Variants in FRAS1 observed in about 807,000 individuals in gnomAD.
The protein encoded by FRAS1 is Fraser extracellular matrix complex subunit 1.
A neutral mutation model predicts 435.2 loss-of-function variants in FRAS1; 290 were observed. The observed-to-expected ratio is 0.67, with a 90% CI of 0.61 to 0.73. The LOEUF (loss-of-function observed/expected upper bound fraction) is 0.73. Ranked by LOEUF, FRAS1 falls within the 30% of genes least tolerant of loss-of-function variation. FRAS1 has a pLI of 0.00. For missense variants in FRAS1, 4,860 were observed against 5,001.5 expected (o/e 0.97, Z 0.85); for synonymous variants, 1,800 against 1,851.0 (o/e 0.97, Z 0.71).
chr4:78,241,381 C>A (rs1724997679), intron 3 of FRAS1, among the ~76,000 whole-genome samples: 1 of 152,204 alleles, frequency 6.6e-6, no homozygotes, highest in South Asian at 2.1e-4. Flanking sequence ...GCCCGTCAAA[C>A]AGCATAGTAC....
At chr4:78,449,290 G>T (rs1718947630) in intron 44 of FRAS1, among the ~76,000 whole-genome samples, 1 of 152,118 alleles carries the variant, frequency 6.6e-6, no homozygotes, top group Admixed American at 6.6e-5. Context: ...TCACAGAGGG[G>T]AATACTGAGC....
rs1720021380 is a variant in FRAS1 at position 78,481,891 on chromosome 4, C to T, written c.8531C>T (p.Ala2844Val). ...VWCATRPSDP[A>V]SATPGVDYVP... Reference sequence around the variant, plus strand: ...TGTGCAACGCGGCCCTCAGACCCAGCTTCTGCCACACCAGGAGTTGACTAC... The same window carrying T: ...TGTGCAACGCGGCCCTCAGACCCAGTTTCTGCCACACCAGGAGTTGACTAC... The change falls in exon 57 of 74, where the codon GCT becomes GTT. Residue 2844 changes from alanine (A) to valine (V), a missense_variant. By Grantham distance (64) the Ala-to-Val change is moderately conservative (BLOSUM62 0). Coordinates refer to ENST00000512123, the MANE Select transcript of FRAS1 (RefSeq NM_025074.7). 1 of 1,613,800 alleles carries T rather than the reference C, an allele frequency of 6.2e-7. No individual in the cohort carries two copies.
rs564641651 is a variant in FRAS1, at chr4:78,415,478, C to A, written c.4425+2393C>A. Reference sequence around the variant, plus strand: ...GGTGTAGGGTCAAGAATTTGCATTTCTAAAGAGTTTCCAGGTAATGCTGTT... The same window carrying A: ...GGTGTAGGGTCAAGAATTTGCATTTATAAAGAGTTTCCAGGTAATGCTGTT... On this transcript the variant is annotated intron_variant, in intron 32 of 73. Transcript: ENST00000512123. 3.3e-4 allele frequency among the ~76,000 whole-genome samples: 51 copies of A among 152,278 alleles called. 2 individuals carry two copies. The highest frequency in any genetic ancestry group is 3.1e-3 in the East Asian group (16 of 5,186).
intron 31 of FRAS1, among the ~76,000 whole-genome samples, chr4:78,411,626 A>G (rs1314982133): frequency 6.6e-6 from 1 of 152,168 alleles, no homozygotes; most frequent in Non-Finnish European, 1.5e-5. Flanking sequence ...GGTCACTTTG[A>G]CACAGCCTTA....
chr4:78,313,288 A>G (rs1009796233), intron 15 of FRAS1, among the ~76,000 whole-genome samples: 1 of 152,184 alleles, frequency 6.6e-6, no homozygotes, highest in African/African-American at 2.4e-5. Context: ...GGCCATTGCC[A>G]TAGCCCATTC....
At chr4:78,525,703 C>T (rs776652668) in intron 69 of FRAS1, among the ~76,000 whole-genome samples, 1 of 152,196 alleles carries the variant, frequency 6.6e-6, no homozygotes, top group Non-Finnish European at 1.5e-5. Context: ...ATGACAGACT[C>T]CCAAGGCCCT....
At chr4:78,446,293 C>T (rs1718827720) in intron 42 of FRAS1, 1 of 1,011,440 alleles carries the variant, frequency 9.9e-7, no homozygotes, top group African/African-American at 1.7e-5. Flanking sequence ...GGCACCAGGG[C>T]AGGGAGACAG....
intron 16 of FRAS1, among the ~76,000 whole-genome samples, chr4:78,316,526 C>T (rs1171491183): frequency 2.0e-5 from 3 of 152,168 alleles, no homozygotes; most frequent in Non-Finnish European, 4.4e-5. Flanking sequence ...CATCCCATCT[C>T]TACCCACCAC....
intron 61 of FRAS1, among the ~76,000 whole-genome samples, chr4:78,506,541 A>G (rs1161684033): frequency 1.3e-5 from 2 of 151,850 alleles, no homozygotes; most frequent in South Asian, 2.1e-4. Flanking sequence ...CTCCATGGGT[A>G]TGGAACCCCC....
intron 18 of FRAS1, among the ~76,000 whole-genome samples, chr4:78,332,167 G>A (rs1472801990): frequency 6.6e-6 from 1 of 152,170 alleles, no homozygotes; most frequent in African/African-American, 2.4e-5. Flanking sequence ...GTAGCCTGGA[G>A]TGTAAGCGTA....
rs779717087 is a variant in FRAS1, at chr4:78,536,956, T to G, written c.11093-39T>G. ...CCTTGACATTTGTTTTTCTTTCATC[T>G]TAAAGTCTGACCTAATTAATACCTT... On this transcript the variant is annotated intron_variant, in intron 71 of 73. Coordinates refer to ENST00000512123, the MANE Select transcript of FRAS1 (RefSeq NM_025074.7). The G allele has an allele frequency of 5.8e-6, 9 of 1,554,448 alleles. No homozygotes were observed. The South Asian group carries it at 1.0e-4, about 17-fold the overall frequency.
At chr4:78,441,125 A>T (rs1158685848) in intron 40 of FRAS1, 37 bp from the exon 41 acceptor site, 34 of 1,607,648 alleles carry the variant, frequency 2.1e-5, no homozygotes, top group Non-Finnish European at 2.9e-5. Flanking sequence ...GGTTATGTGA[A>T]ATCACCAAGG....
At chr4:78,319,034 T>G (rs778701280) in intron 18 of FRAS1, 48 bp downstream of exon 18, 1 of 1,567,004 alleles carries the variant, frequency 6.4e-7, no homozygotes, top group Non-Finnish European at 8.8e-7. Flanking sequence ...GCTTATCTCT[T>G]GAGAGATCCT....
intron 1 of FRAS1, among the ~76,000 whole-genome samples, 159 bp from the exon 2 acceptor site, chr4:78,065,826 T>A (rs1740005129): frequency 6.6e-6 from 1 of 152,224 alleles, no homozygotes; most frequent in Non-Finnish European, 1.5e-5. Flanking sequence ...TGGGGTTATT[T>A]CCCCAGGGGA....
intron 2 of FRAS1, among the ~76,000 whole-genome samples, chr4:78,220,833 G>C (rs1020985453): frequency 6.6e-6 from 1 of 152,034 alleles, no homozygotes; most frequent in African/African-American, 2.4e-5. Flanking sequence ...AAGAATACTA[G>C]TAGCATTTTT....
chr4:78,281,125 C>T (rs1467082735), intron 10 of FRAS1, among the ~76,000 whole-genome samples: 1 of 152,096 alleles, frequency 6.6e-6, no homozygotes, highest in East Asian at 1.9e-4. Flanking sequence ...AGTTTAGGTC[C>T]CTTGAGCATA....
intron 47 of FRAS1, among the ~76,000 whole-genome samples, chr4:78,458,586 A>G (rs1719274472): frequency 6.6e-6 from 1 of 152,150 alleles, no homozygotes; most frequent in South Asian, 2.1e-4. Context: ...TGAAAAACTT[A>G]CTATTGGATA....
intron 4 of FRAS1, among the ~76,000 whole-genome samples, chr4:78,251,061 T>G (rs1291502989): frequency 6.6e-6 from 1 of 152,218 alleles, no homozygotes; most frequent in East Asian, 1.9e-4. Context: ...TTTGGCAGAT[T>G]TAAAAATTTT....
intron 9 of FRAS1, among the ~76,000 whole-genome samples, chr4:78,271,466 A>G (rs952036711): frequency 1.4e-5 from 2 of 146,812 alleles, no homozygotes; most frequent in Non-Finnish European, 3.0e-5. Flanking sequence ...CCTCCCCCCT[A>G]CCCCCAACCC....
Sources: allele counts gnomAD v4.1 joint callset (sites outside exome capture counted in the v4.1 genomes callset), GRCh38; gene constraint gnomAD v4.1.1; transcripts MANE v1.5; gene names NCBI Gene and HGNC (gene_info 2026-07-23, HGNC 2026-07-21).